DOCK3: variants seen among roughly 807,000 people sequenced by gnomAD.
DOCK3 encodes dedicator of cytokinesis protein 3.
DOCK3 carries 60 observed loss-of-function variants against 265.6 expected under a neutral mutation model. The ratio of observed to expected loss-of-function variants is 0.23; its 90% confidence interval spans 0.18 to 0.28. DOCK3 has a LOEUF of 0.28. DOCK3 is among the 10% of genes least tolerant of loss of function. The pLI is 1.00. For missense variants in DOCK3, 1,981 were observed against 2,594.3 expected (o/e 0.76, Z 5.14); for synonymous variants, 881 against 938.0 (o/e 0.94, Z 1.11).
At chr3:51,050,295 G>A (rs1365378151) in intron 5 of DOCK3, among the ~76,000 whole-genome samples, 14 of 152,154 alleles carry the variant, frequency 9.2e-5, no homozygotes, top group Admixed American at 7.9e-4. Flanking sequence ...GCAGAGGTGG[G>A]AGGATCACTT....
chr3:51,270,350 C>G (rs1285369792), intron 23 of DOCK3, among the ~76,000 whole-genome samples: 1 of 152,232 alleles, frequency 6.6e-6, no homozygotes, highest in Non-Finnish European at 1.5e-5. Flanking sequence ...AACTGGATCA[C>G]TGGCTGCAGG....
At chr3:50,929,448 A>C (rs1359584043) in intron 4 of DOCK3, among the ~76,000 whole-genome samples, 2 of 152,216 alleles carry the variant, frequency 1.3e-5, no homozygotes, top group Non-Finnish European at 2.9e-5. Flanking sequence ...TTTAATAGCA[A>C]TTGGTGTTGT....
intron 2 of DOCK3, among the ~76,000 whole-genome samples, chr3:50,779,824 A>G (rs150739830): frequency 2.0e-5 from 3 of 152,360 alleles, no homozygotes; most frequent in African/African-American, 7.2e-5. Flanking sequence ...TGGGAAAAAT[A>G]GGGAGAAATT....
intron 1 of DOCK3, among the ~76,000 whole-genome samples, chr3:50,750,569 C>G: frequency 6.6e-6 from 1 of 152,102 alleles, no homozygotes; most frequent in East Asian, 1.9e-4. Flanking sequence ...ACCTCATGAT[C>G]TGCCTGCCTT....
intron 1 of DOCK3, among the ~76,000 whole-genome samples, chr3:50,755,106 T>G (rs1243486480): frequency 6.6e-6 from 1 of 152,210 alleles, no homozygotes; most frequent in Non-Finnish European, 1.5e-5. Flanking sequence ...GCTCAAAAAA[T>G]TGCAACAACG....
In DOCK3 at chr3:51,332,664, AC is replaced by A. The variant is rs35334443; in HGVS notation, c.3489-333del. 4.5e-3 allele frequency among the ~76,000 whole-genome samples: 683 copies of A among 152,196 alleles called. 4 individuals are homozygous for A. The highest frequency in any genetic ancestry group is 0.014 in the African/African-American group (580 of 41,528). ...AGGCCAGACTGGGCAACATAGCAAG[AC>A]CCCATCTTAAAAAAGAAAGATTAAA... is the stretch of plus-strand genomic sequence containing the variant. On this transcript the variant is annotated intron_variant, in intron 33 of 52. Coordinates refer to ENST00000266037, the MANE Select transcript of DOCK3 (RefSeq NM_004947.5).
chr3:50,964,990 T>C (rs1044600893), intron 5 of DOCK3, among the ~76,000 whole-genome samples: 8 of 151,962 alleles, frequency 5.3e-5, no homozygotes, highest in Non-Finnish European at 1.2e-4. Flanking sequence ...GAAAGCAAAA[T>C]AAAGATGTTT....
At chr3:51,156,525 A>G (rs2085859095) in intron 10 of DOCK3, among the ~76,000 whole-genome samples, 1 of 152,218 alleles carries the variant, frequency 6.6e-6, no homozygotes, top group Admixed American at 6.5e-5. Context: ...AACAAACCTT[A>G]TGGTAACTGT....
At chr3:51,119,908 A>G (rs2083933326) in intron 9 of DOCK3, among the ~76,000 whole-genome samples, 1 of 151,980 alleles carries the variant, frequency 6.6e-6, no homozygotes, top group Non-Finnish European at 1.5e-5. Context: ...GGGTTAGAAC[A>G]TGCTCCTTTA....
At chr3:50,753,812 G>C (rs1297010261) in intron 1 of DOCK3, among the ~76,000 whole-genome samples, 2 of 152,186 alleles carry the variant, frequency 1.3e-5, no homozygotes, top group African/African-American at 4.8e-5. Flanking sequence ...CAGCTCATCA[G>C]TTGTACTGTT....
At chr3:51,137,405 A>T (rs2084854842) in intron 9 of DOCK3, among the ~76,000 whole-genome samples, 1 of 152,184 alleles carries the variant, frequency 6.6e-6, no homozygotes. Flanking sequence ...GAATTCCTCT[A>T]AATTTATTTG....
intron 1 of DOCK3, among the ~76,000 whole-genome samples, chr3:50,759,407 G>T (rs993209662): frequency 2.0e-5 from 3 of 151,994 alleles, no homozygotes; most frequent in African/African-American, 4.8e-5. Flanking sequence ...ATCCAAATGG[G>T]TATGAAGTGG....
At chr3:51,110,200 A>G (rs560589101) in intron 9 of DOCK3, among the ~76,000 whole-genome samples, 3 of 152,270 alleles carry the variant, frequency 2.0e-5, no homozygotes, top group African/African-American at 7.2e-5. Context: ...TAAATAAATA[A>G]ATAAGCTCTA....
At chr3:51,006,248 C>T (rs2078671852) in intron 5 of DOCK3, among the ~76,000 whole-genome samples, 1 of 52,052 alleles carries the variant, frequency 1.9e-5, no homozygotes, top group Non-Finnish European at 3.6e-5. Context: ...ATTTCCCAAT[C>T]CTGCTTTTTT....
chr3:50,730,856 C>T (rs556053078), intron 1 of DOCK3, among the ~76,000 whole-genome samples: 3 of 142,960 alleles, frequency 2.1e-5, no homozygotes, highest in Non-Finnish European at 4.6e-5. Flanking sequence ...TTTGGCCGGG[C>T]GTGGTGGCTC....
intron 5 of DOCK3, among the ~76,000 whole-genome samples, chr3:50,970,954 G>GTA (rs1411589234): frequency 2.5e-5 from 1 of 40,400 alleles, no homozygotes; most frequent in African/African-American, 6.1e-5. Flanking sequence ...TATAATGTGT[G>GTA]TGTGTGTGTG....
intron 2 of DOCK3, chr3:50,786,799 G>A (rs140021702): frequency 0.021 from 15,293 of 740,422 alleles, 292 homozygotes; most frequent in Non-Finnish European, 0.031. Context: ...TGTGCCCAAC[G>A]TGGATGCTCA....
intron 5 of DOCK3, among the ~76,000 whole-genome samples, chr3:50,980,092 T>C (rs1013054960): frequency 1.3e-5 from 2 of 152,246 alleles, no homozygotes; most frequent in Admixed American, 1.3e-4. Flanking sequence ...TAGCTGTGGA[T>C]TTTTCATGTA....
chr3:50,719,020 G>A (rs1297017435), intron 1 of DOCK3, among the ~76,000 whole-genome samples: 3 of 151,876 alleles, frequency 2.0e-5, no homozygotes, highest in African/African-American at 4.8e-5. Context: ...TCCTGACCTC[G>A]TGATCCGCCC....
Sources: allele counts gnomAD v4.1 joint callset (sites outside exome capture counted in the v4.1 genomes callset), GRCh38; gene constraint gnomAD v4.1.1; transcripts MANE v1.5; gene names NCBI Gene and HGNC (gene_info 2026-07-23, HGNC 2026-07-21).